The following GRIK1 variants were observed in gnomAD, a reference collection of about 807,000 sequenced individuals.
The protein encoded by GRIK1 is glutamate ionotropic receptor kainate type subunit 1.
Under a neutral mutation model 105.7 loss-of-function variants are expected in GRIK1, and 69 were observed. The observed-to-expected ratio is 0.65, with a 90% CI of 0.54 to 0.80. GRIK1 has a LOEUF of 0.80. GRIK1 is among the 30% of genes least tolerant of loss of function. The pLI is 0.00. For missense variants in GRIK1, 1,109 were observed against 1,167.3 expected (o/e 0.95, Z 0.73); for synonymous variants, 438 against 431.3 (o/e 1.02, Z -0.19).
rs3054347 is a variant in GRIK1, at chr21:29,779,335, A to AGTGTGTGT, written c.119-85280_119-85273dup. ...AAAATATTTTGGAGGTCAGTGAGTGAGTGTGTGTGTGTGTGTGTGTGTGTG... is the reference window on the plus strand; with the variant it reads ...AAAATATTTTGGAGGTCAGTGAGTGAGTGTGTGTGTGTGTGTGTGTGTGTGTGTGTGTG... On this transcript the variant is annotated intron_variant, in intron 1 of 17. Coordinates refer to ENST00000327783, the MANE Select transcript of GRIK1 (RefSeq NM_001330994.2). Among the ~76,000 whole-genome samples the AGTGTGTGT allele has an allele frequency of 4.8e-3, 712 of 149,858 alleles. 10 individuals carry two copies. The highest frequency in any genetic ancestry group is 0.016 in the African/African-American group (672 of 40,878).
chr21:29,933,124 GT>G (rs199998510), intron 1 of GRIK1, among the ~76,000 whole-genome samples: 5 of 151,126 alleles, frequency 3.3e-5, no homozygotes, highest in Non-Finnish European at 5.9e-5. Flanking sequence ...CATACTAAGT[GT>G]TTTTTTTTAT....
At chr21:29,761,808 C>G (rs555985010) in intron 1 of GRIK1, among the ~76,000 whole-genome samples, 1 of 143,116 alleles carries the variant, frequency 7.0e-6, no homozygotes, top group Non-Finnish European at 1.5e-5. Context: ...AGTGAAATGG[C>G]GTGATCTCAG....
At chr21:29,795,688 C>G (rs1020559907) in intron 1 of GRIK1, among the ~76,000 whole-genome samples, 1 of 152,182 alleles carries the variant, frequency 6.6e-6, no homozygotes, top group African/African-American at 2.4e-5. Flanking sequence ...TTTATCCATG[C>G]TACTTGACAC....
chr21:29,906,269 A>G (rs1009718441), intron 1 of GRIK1, among the ~76,000 whole-genome samples: 3 of 152,354 alleles, frequency 2.0e-5, no homozygotes, highest in African/African-American at 7.2e-5. Context: ...TGTAATCCTC[A>G]CATGGCTAAA....
At chr21:29,664,845 C>A (rs183406364) in intron 4 of GRIK1, among the ~76,000 whole-genome samples, 1 of 152,114 alleles carries the variant, frequency 6.6e-6, no homozygotes, top group Admixed American at 6.5e-5. Flanking sequence ...GAAAATCTGA[C>A]GGACACTACA....
chr21:29,680,829 G>GTA (rs1284117310), intron 3 of GRIK1, among the ~76,000 whole-genome samples: 2 of 152,164 alleles, frequency 1.3e-5, no homozygotes, highest in Non-Finnish European at 2.9e-5. Context: ...GCTTAGGTAT[G>GTA]TATATATAGA....
At chr21:29,796,425 A>C (rs1273814650) in intron 1 of GRIK1, among the ~76,000 whole-genome samples, 2 of 152,076 alleles carry the variant, frequency 1.3e-5, no homozygotes, top group Non-Finnish European at 2.9e-5. Context: ...TTAATTGTTA[A>C]TTTTCACCAT....
chr21:29,642,719 C>G (rs1264193422), intron 7 of GRIK1, 107 bp downstream of exon 7: 3 of 954,302 alleles, frequency 3.1e-6, no homozygotes, highest in Admixed American at 2.2e-5. Context: ...GGCTTCCTCT[C>G]TCTTAGGGGC....
intron 1 of GRIK1, among the ~76,000 whole-genome samples, chr21:29,899,635 A>T (rs2070318485): frequency 6.6e-6 from 1 of 151,732 alleles, no homozygotes; most frequent in Non-Finnish European, 1.5e-5. Flanking sequence ...TTAATCTCTT[A>T]GGACAAAATT....
rs192881351 is a variant in GRIK1, at chr21:29,697,533, C to T, written c.119-3470G>A. ...ATGAATGGTGTCATTAGCTCAAGACCCCATCACACTCTCTTTCTTCAAGAG... is the reference window on the plus strand; with the variant it reads ...ATGAATGGTGTCATTAGCTCAAGACTCCATCACACTCTCTTTCTTCAAGAG... On this transcript the variant is annotated intron_variant, in intron 1 of 17. Transcript: ENST00000327783. Among the ~76,000 whole-genome samples the T allele has an allele frequency of 9.5e-4, 145 of 152,062 alleles. No individual in the cohort carries two copies. In the Middle Eastern group the frequency reaches 0.017, roughly 18 times the overall value.
chr21:29,591,005 A>C (rs971222268), intron 10 of GRIK1, 107 bp downstream of exon 10: 12 of 750,628 alleles, frequency 1.6e-5, no homozygotes, highest in Non-Finnish European at 2.9e-5. Flanking sequence ...TTAAAAATAG[A>C]CATTTGCAGA....
intron 1 of GRIK1, among the ~76,000 whole-genome samples, chr21:29,694,880 GT>G (rs1009720523): frequency 2.6e-5 from 4 of 152,060 alleles, no homozygotes; most frequent in African/African-American, 7.2e-5. Flanking sequence ...GTCCTTTTTT[GT>G]GCTTCATGGC....
At chr21:29,587,159 A>G (rs1167456919) in intron 12 of GRIK1, among the ~76,000 whole-genome samples, 3 of 152,236 alleles carry the variant, frequency 2.0e-5, no homozygotes, top group Non-Finnish European at 2.9e-5. Context: ...ATTAAAAATT[A>G]TCTTCCTCTC....
intron 1 of GRIK1, among the ~76,000 whole-genome samples, chr21:29,796,647 C>T (rs938677662): frequency 2.4e-4 from 37 of 151,962 alleles, no homozygotes; most frequent in African/African-American, 8.9e-4. Flanking sequence ...ACATCTAAAC[C>T]AACATTAAAA....
At chr21:29,778,902 C>T (rs1361759192) in intron 1 of GRIK1, among the ~76,000 whole-genome samples, 2 of 152,060 alleles carry the variant, frequency 1.3e-5, no homozygotes, top group Non-Finnish European at 2.9e-5. Flanking sequence ...TTACTCTTAA[C>T]CAGAGGGCTT....
chr21:29,537,204 T>G lies in GRIK1; in HGVS notation c.*26A>C, dbSNP rs773965171. The G allele has an allele frequency of 1.3e-6, 2 of 1,540,832 alleles. No individual in the cohort carries two copies. Among genetic ancestry groups the G allele is most frequent in the South Asian group, 2.5e-5 (2 of 78,678 alleles). On this transcript the variant is annotated 3_prime_UTR_variant, in exon 18 of 18. Transcript: ENST00000327783. The stretch of plus-strand genomic sequence containing the variant: ...AAAAATCTGTAGGGAATGCATCCTT[T>G]TTCTTCCTACAGGCGTTTCCTTGGA...
intron 1 of GRIK1, among the ~76,000 whole-genome samples, chr21:29,720,479 T>C (rs748029770): frequency 6.6e-6 from 1 of 151,920 alleles, no homozygotes; most frequent in Non-Finnish European, 1.5e-5. Flanking sequence ...GAGCAACCAG[T>C]TGCATGTGTG....
intron 1 of GRIK1, among the ~76,000 whole-genome samples, chr21:29,871,556 A>C (rs1046795082): frequency 6.6e-6 from 1 of 152,140 alleles, no homozygotes; most frequent in African/African-American, 2.4e-5. Flanking sequence ...TCTACCACGA[A>C]GGAGCTTTCA....
chr21:29,775,782 G>A (rs186672457), intron 1 of GRIK1, among the ~76,000 whole-genome samples: 131 of 152,270 alleles, frequency 8.6e-4, no homozygotes, highest in Non-Finnish European at 1.2e-3. Context: ...GTTCTTCTTA[G>A]CATTCCTTCT....
Sources: gnomAD v4.1 joint callset for allele counts (sites outside exome capture counted in the v4.1 genomes callset) on GRCh38, gnomAD v4.1.1 for gene constraint, MANE v1.5 for transcripts, NCBI Gene and HGNC (gene_info 2026-07-23, HGNC 2026-07-21) for gene names.